DAB1: variants seen among roughly 807,000 people sequenced by gnomAD.
The protein encoded by DAB1 is DAB adaptor protein 1.
Under a neutral mutation model 64.6 loss-of-function variants are expected in DAB1, and 15 were observed. The ratio of observed to expected loss-of-function variants is 0.23; its 90% CI spans 0.16 to 0.36. DAB1 has a LOEUF of 0.36. Among genes scored for constraint, DAB1 ranks in the 10% least tolerant of loss-of-function variants. The pLI is 1.00. For missense variants in DAB1, 596 were observed against 706.7 expected (o/e 0.84, Z 1.78); for synonymous variants, 235 against 251.9 (o/e 0.93, Z 0.64).
chr1:58,116,510 C>A (rs773301301), intron 5 of DAB1, among the ~76,000 whole-genome samples: 1 of 152,142 alleles, frequency 6.6e-6, no homozygotes. Flanking sequence ...ATACATCAGA[C>A]TCATCTAACT....
intron 5 of DAB1, among the ~76,000 whole-genome samples, chr1:58,141,754 A>C (rs976141227): frequency 6.6e-6 from 1 of 152,210 alleles, no homozygotes; most frequent in African/African-American, 2.4e-5. Flanking sequence ...TTTTGAAGTA[A>C]AAACAGGAGT....
chr1:57,916,651 A>C (rs1644730853), intron 5 of DAB1, among the ~76,000 whole-genome samples: 1 of 152,206 alleles, frequency 6.6e-6, no homozygotes, highest in Non-Finnish European at 1.5e-5. Flanking sequence ...TAAAAGGGTT[A>C]AGTAGGCCAG....
intron 5 of DAB1, among the ~76,000 whole-genome samples, chr1:58,054,434 T>C (rs4912296): frequency 0.086 from 13,162 of 152,262 alleles, 809 homozygotes; most frequent in East Asian, 0.16. Context: ...CAGACATGCA[T>C]GGGGACAACA....
At chr1:57,975,503 G>A (rs974789153) in intron 5 of DAB1, among the ~76,000 whole-genome samples, 6 of 152,214 alleles carry the variant, frequency 3.9e-5, no homozygotes, top group African/African-American at 1.4e-4. Flanking sequence ...GCTAGGAGGA[G>A]TAATAAAAAG....
chr1:57,215,363 G>T (rs1276633737), intron 2 of DAB1, among the ~76,000 whole-genome samples: 6 of 152,186 alleles, frequency 3.9e-5, no homozygotes, highest in African/African-American at 1.4e-4. Flanking sequence ...TCCGTTATTT[G>T]ACACCGCATT....
At chr1:58,026,270 G>A (rs951569720) in intron 5 of DAB1, among the ~76,000 whole-genome samples, 11 of 152,270 alleles carry the variant, frequency 7.2e-5, no homozygotes, top group Admixed American at 2.0e-4. Context: ...AAAGAATATC[G>A]CAAGAAGGCA....
At chr1:57,544,659 C>G (rs1387218087) in intron 7 of DAB1, among the ~76,000 whole-genome samples, 1 of 152,136 alleles carries the variant, frequency 6.6e-6, no homozygotes, top group Non-Finnish European at 1.5e-5. Flanking sequence ...TTCCCATAAT[C>G]CCCATGTGTC....
intron 9 of DAB1, among the ~76,000 whole-genome samples, chr1:57,029,514 T>C (rs1646900401): frequency 6.6e-6 from 1 of 152,120 alleles, no homozygotes; most frequent in East Asian, 1.9e-4. Flanking sequence ...GATCCACTGA[T>C]AGCTTGTACC....
Position 57,726,896 on chromosome 1 carries a change from G to C in DAB1, n.552-77231C>G, listed in dbSNP as rs187658925. Among the ~76,000 whole-genome samples the C allele has an allele frequency of 4.0e-3, 613 of 152,174 alleles. 4 individuals carry two copies. Among genetic ancestry groups the C allele is most frequent in the African/African-American group, 0.014 (593 of 41,524 alleles). On this transcript the variant is annotated intron_variant and non_coding_transcript_variant, in intron 6 of 20. Transcript: ENST00000485760. ...GAGAATGATCATTCTGGCAGCAAAGGGATAAGGAAAACCAGGGCTAAAACT... is the reference window on the plus strand; with the variant it reads ...GAGAATGATCATTCTGGCAGCAAAGCGATAAGGAAAACCAGGGCTAAAACT...
At chr1:57,601,957 A>C (rs1356378291) in intron 7 of DAB1, among the ~76,000 whole-genome samples, 1 of 152,132 alleles carries the variant, frequency 6.6e-6, no homozygotes, top group Non-Finnish European at 1.5e-5. Flanking sequence ...ATGAGAACAA[A>C]TGGGCCTGAT....
chr1:58,404,957 G>T (rs1644602576), intron 3 of DAB1, among the ~76,000 whole-genome samples: 1 of 152,044 alleles, frequency 6.6e-6, no homozygotes, highest in Non-Finnish European at 1.5e-5. Context: ...GGTGGTCCCG[G>T]CTGTGCCCTA....
At chr1:58,400,531 GAAAC>G (rs1419439027) in intron 3 of DAB1, among the ~76,000 whole-genome samples, 1 of 152,210 alleles carries the variant, frequency 6.6e-6, no homozygotes, top group Non-Finnish European at 1.5e-5. Context: ...GAAGTTTAGA[GAAAC>G]AGACAGGCAG....
intron 4 of DAB1, among the ~76,000 whole-genome samples, chr1:58,211,989 C>A (rs1658575091): frequency 6.6e-6 from 1 of 152,144 alleles, no homozygotes; most frequent in African/African-American, 2.4e-5. Context: ...TAGCTGTGAT[C>A]CCCTGCTCCC....
chr1:57,035,780 G>C lies in DAB1; in HGVS notation c.724-9737C>G, dbSNP rs189226617. On this transcript the variant is annotated intron_variant, in intron 9 of 14. Coordinates refer to ENST00000371236, the MANE Select transcript of DAB1 (RefSeq NM_001365792.1). Reference sequence around the variant, plus strand: ...GCACATAGTAGATGCCCAAGGAATAGTAGCTATTATTATCTTCTCCTATTT... The same window carrying C: ...GCACATAGTAGATGCCCAAGGAATACTAGCTATTATTATCTTCTCCTATTT... 1.3e-3 allele frequency among the ~76,000 whole-genome samples: 189 copies of C among 146,678 alleles called. 1 individual carries two copies. The highest frequency in any genetic ancestry group is 4.5e-3 in the African/African-American group (178 of 39,646).
At chr1:58,094,589 T>C (rs1254479626) in intron 5 of DAB1, among the ~76,000 whole-genome samples, 5 of 152,242 alleles carry the variant, frequency 3.3e-5, no homozygotes, top group Admixed American at 1.3e-4. Context: ...TTAAACGTAG[T>C]ATCCTCTTCT....
At chr1:57,720,918 T>C (rs1026725441) in intron 6 of DAB1, among the ~76,000 whole-genome samples, 5 of 152,240 alleles carry the variant, frequency 3.3e-5, no homozygotes, top group Admixed American at 2.6e-4. Context: ...TCACTTGCAC[T>C]GGCCCTGGGC....
intron 7 of DAB1, among the ~76,000 whole-genome samples, chr1:57,550,017 A>C (rs542309398): frequency 3.9e-5 from 6 of 152,262 alleles, no homozygotes; most frequent in African/African-American, 1.2e-4. Context: ...TTGTGTCCTC[A>C]ATGAACAGAA....
intron 7 of DAB1, among the ~76,000 whole-genome samples, chr1:57,456,873 A>G (rs531412247): frequency 6.6e-6 from 1 of 152,168 alleles, no homozygotes; most frequent in African/African-American, 2.4e-5. Flanking sequence ...CCTAAACTGG[A>G]CCCATTTTTG....
intron 5 of DAB1, among the ~76,000 whole-genome samples, chr1:58,104,027 A>G (rs12031853): frequency 0.16 from 23,893 of 152,172 alleles, 2,341 homozygotes; most frequent in East Asian, 0.44. Flanking sequence ...CTGCTCCAAG[A>G]AGTCTTTTTC....
Sources: gnomAD v4.1 joint callset for allele counts (sites outside exome capture counted in the v4.1 genomes callset) on GRCh38, gnomAD v4.1.1 for gene constraint, MANE v1.5 for transcripts, NCBI Gene and HGNC (gene_info 2026-07-23, HGNC 2026-07-21) for gene names.